The following CALU variants were observed in gnomAD, a reference collection of about 807,000 sequenced individuals.
CALU encodes IEF SSP 9302.
A neutral mutation model predicts 37.5 loss-of-function variants in CALU; 13 were observed. That is an observed-to-expected ratio of 0.35 (90% CI 0.23 to 0.55). The LOEUF is 0.55. Ranked by LOEUF, CALU falls within the 20% of genes least tolerant of loss-of-function variation. The pLI is 0.89. For missense variants in CALU, 282 were observed against 391.7 expected, an observed-to-expected ratio of 0.72 and a Z score of 2.36; for synonymous variants, 114 against 133.8, an observed-to-expected ratio of 0.85 and a Z score of 1.02.
Position 128,758,952 on chromosome 7 carries a change from A to C in CALU, c.497A>C (p.Asp166Ala). 1.2e-6 allele frequency: 2 copies of C among 1,613,588 alleles called. No homozygotes were observed. Among genetic ancestry groups the C allele is most frequent in the Non-Finnish European group, 1.7e-6 (2 of 1,179,486 alleles). The change falls in exon 4 of 7, where the codon GAT (aspartate) becomes GCT (alanine). Residue 166 changes from aspartate to alanine, a missense_variant. Coordinates refer to ENST00000249364, the MANE Select transcript of CALU (RefSeq NM_001219.5). ...CGGAGGTTTAAAATGGCAGACAAGG[A>C]TGGAGACCTCATTGCCACCAAGGAG... is the stretch of plus-strand genomic sequence containing the variant. ...DERRFKMADKDGDLIATKEEF... is the reference protein window; with the variant it reads ...DERRFKMADKAGDLIATKEEF...
intron 1 of CALU, among the ~76,000 whole-genome samples, 199 bp downstream of exon 1, chr7:128,739,631 G>A (rs1198489335): frequency 6.6e-6 from 1 of 152,062 alleles, no homozygotes; most frequent in Non-Finnish European, 1.5e-5. Flanking sequence ...GCCGCCGCCC[G>A]TCTTACCGCG....
intron 1 of CALU, among the ~76,000 whole-genome samples, chr7:128,744,563 AAAG>A: frequency 6.6e-6 from 1 of 152,130 alleles, no homozygotes. Flanking sequence ...GCAGAAAGAT[AAAG>A]AAGTAAAGAT....
At chr7:128,750,596 T>C (rs748600013) in intron 2 of CALU, among the ~76,000 whole-genome samples, 2 of 152,250 alleles carry the variant, frequency 1.3e-5, no homozygotes, top group Non-Finnish European at 2.9e-5. Flanking sequence ...TCCCAAATTT[T>C]GTTGGTAATG....
intron 1 of CALU, among the ~76,000 whole-genome samples, chr7:128,745,673 A>C (rs1365436999): frequency 6.6e-6 from 1 of 152,178 alleles, no homozygotes; most frequent in African/African-American, 2.4e-5. Context: ...TACTCACTTT[A>C]ATGTTGTATT....
At chr7:128,759,755 C>T (rs766901804) in intron 4 of CALU, 37 bp from the exon 5 acceptor site, 2 of 1,007,940 alleles carry the variant, frequency 2.0e-6, no homozygotes, top group Admixed American at 1.7e-5. Flanking sequence ...AATTCAGAGA[C>T]CAACTTAATA....
chr7:128,757,358 A>AGT (rs10638444), intron 3 of CALU, among the ~76,000 whole-genome samples: 24,528 of 146,022 alleles, frequency 0.17, 2,008 homozygotes, highest in Middle Eastern at 0.22. Context: ...TATGGCTTTG[A>AGT]GTGTGTGTGT....
At chr7:128,749,271 C>G (rs562564556) in intron 2 of CALU, among the ~76,000 whole-genome samples, 1 of 152,334 alleles carries the variant, frequency 6.6e-6, no homozygotes, top group South Asian at 2.1e-4. Flanking sequence ...TTTTCATTCT[C>G]AGATATTTGT....
At chr7:128,750,462 A>T (rs1031076557) in intron 2 of CALU, among the ~76,000 whole-genome samples, 5 of 152,150 alleles carry the variant, frequency 3.3e-5, no homozygotes, top group African/African-American at 1.2e-4. Flanking sequence ...TTTTCAGTTG[A>T]AAGTATTCCT....
rs1477718542 is a variant in CALU, at chr7:128,771,647, C to T, written c.*2480C>T. ...CTCCCTGTTTTCTGGTATTTTCTAG[C>T]ATCCTTCTCACCACAGCCATAACCC... On this transcript the variant is annotated 3_prime_UTR_variant, in exon 7 of 7. Coordinates refer to ENST00000249364, the MANE Select transcript of CALU (RefSeq NM_001219.5). The T allele has an allele frequency of 2.0e-5, 3 of 152,268 alleles. No homozygotes were observed. Among genetic ancestry groups the T allele is most frequent in the African/African-American group, 7.2e-5 (3 of 41,442 alleles). The allele number at this position is 152,268 out of a possible 1,614,324, so 9.4% of individuals were successfully genotyped here.
At chr7:128,744,633 A>G (rs1284373774) in intron 1 of CALU, among the ~76,000 whole-genome samples, 1 of 152,100 alleles carries the variant, frequency 6.6e-6, no homozygotes, top group Non-Finnish European at 1.5e-5. Flanking sequence ...AGTTTCATCA[A>G]TAGTAAGGAA....
Position 128,769,083 on chromosome 7 carries a change from G to A in CALU, c.864G>A (p.Glu288=), listed in dbSNP as rs1801456295. Residue 288 remains glutamate, a synonymous_variant, in exon 7 of 7, where the codon GAG becomes GAA. Transcript: ENST00000249364. The part of the protein sequence containing the change: ...DQNKDGKLTK[E]EIVDKYDLFV... ...TTCAGGATGGCAAGCTTACCAAGGA[G>A]GAGATCGTTGACAAGTATGACTTAT... is the stretch of plus-strand genomic sequence containing the variant. 1 of 1,611,040 alleles carries A rather than the reference G, an allele frequency of 6.2e-7. No homozygotes were observed. The highest frequency in any genetic ancestry group is 1.3e-5 in the African/African-American group (1 of 74,832).
At chr7:128,760,425 AT>A (rs1216112390) in intron 5 of CALU, among the ~76,000 whole-genome samples, 1 of 152,154 alleles carries the variant, frequency 6.6e-6, no homozygotes, top group Non-Finnish European at 1.5e-5. Context: ...AACAGATGAA[AT>A]TTCAGTAGTT....
chr7:128,755,223 G>A (rs1473934338), intron 3 of CALU, among the ~76,000 whole-genome samples: 2 of 140,022 alleles, frequency 1.4e-5, no homozygotes, highest in Non-Finnish European at 3.0e-5. Context: ...AAGGTGGGAG[G>A]ATCACTTAAG....
chr7:128,743,141 G>A (rs1477237207), intron 1 of CALU, among the ~76,000 whole-genome samples: 1 of 151,852 alleles, frequency 6.6e-6, no homozygotes, highest in East Asian at 1.9e-4. Flanking sequence ...ACTGTACTGG[G>A]CAGTACAGGC....
At chr7:128,743,822 A>G (rs1239817202) in intron 1 of CALU, among the ~76,000 whole-genome samples, 1 of 152,102 alleles carries the variant, frequency 6.6e-6, no homozygotes, top group African/African-American at 2.4e-5. Flanking sequence ...ACTTTTATAA[A>G]GTGTTGAAGT....
At chr7:128,757,334 C>T (rs1191488558) in intron 3 of CALU, among the ~76,000 whole-genome samples, 19 of 150,946 alleles carry the variant, frequency 1.3e-4, no homozygotes, top group Admixed American at 1.3e-3. Flanking sequence ...CTTACGTTCT[C>T]CATCTCAACC....
intron 2 of CALU, among the ~76,000 whole-genome samples, chr7:128,750,808 T>G (rs1800641953): frequency 6.6e-6 from 1 of 152,234 alleles, no homozygotes; most frequent in Admixed American, 6.5e-5. Flanking sequence ...TGTTCATGCC[T>G]TTAGTTGCAA....
Position 128,769,240 on chromosome 7 carries a change from C to A in CALU, c.*73C>A. 2.5e-6 allele frequency: 2 copies of A among 805,960 alleles called. No homozygotes were observed. Among genetic ancestry groups the A allele is most frequent in the East Asian group, 2.6e-5 (1 of 38,122 alleles). 49.9% of individuals were successfully genotyped at this position (805,960 alleles called of 1,614,324 possible). The stretch of plus-strand genomic sequence containing the variant: ...TTCTGGTTTCACATGAAATTGTTTG[C>A]GCTACTGAGACTGTTACTACAAACT... On this transcript the variant is annotated 3_prime_UTR_variant, in exon 7 of 7. Coordinates refer to ENST00000249364, the MANE Select transcript of CALU (RefSeq NM_001219.5).
chr7:128,748,787 G>C lies in CALU; in HGVS notation c.204G>C (p.Glu68Asp). Residue 68 changes from glutamate (E) to aspartate (D), a missense_variant, in exon 2 of 7, where the codon GAG (glutamate) becomes GAC (aspartate). Coordinates refer to ENST00000249364, the MANE Select transcript of CALU (RefSeq NM_001219.5). The stretch of plus-strand genomic sequence containing the variant: ...CCTTTGATCAGCTGACACCAGAAGA[G>C]AGCAAGGAAAGGCTTGGGTAAGGTA... Reference protein sequence around the residue: ...AKTFDQLTPEESKERLGKIVS... With the variant: ...AKTFDQLTPEDSKERLGKIVS... 1.2e-6 allele frequency: 2 copies of C among 1,614,036 alleles called. No individual in the cohort carries two copies. The highest frequency in any genetic ancestry group is 1.7e-6 in the Non-Finnish European group (2 of 1,179,876).
Sources: gnomAD v4.1 joint callset for allele counts (sites outside exome capture counted in the v4.1 genomes callset) on GRCh38, gnomAD v4.1.1 for gene constraint, MANE v1.5 for transcripts, NCBI Gene and HGNC (gene_info 2026-07-23, HGNC 2026-07-21) for gene names.